Variants in STXBP4 observed in about 807,000 individuals in gnomAD.
STXBP4 encodes the protein syntaxin binding protein 4.
STXBP4 carries 55 observed loss-of-function variants against 76.1 expected under a neutral mutation model. The ratio of observed to expected loss-of-function variants is 0.72; its 90% CI spans 0.58 to 0.91. STXBP4 has a LOEUF of 0.91. STXBP4 is among the 40% of genes least tolerant of loss of function. The pLI, the probability that STXBP4 is intolerant of heterozygous loss-of-function variation, is 0.00. For missense variants in STXBP4, 618 were observed against 636.9 expected, an observed-to-expected ratio of 0.97 and a Z score of 0.32; for synonymous variants, 201 against 220.2, an observed-to-expected ratio of 0.91 and a Z score of 0.77.
chr17:55,072,005 C>T (rs1375657641), intron 12 of STXBP4, among the ~76,000 whole-genome samples: 2 of 152,158 alleles, frequency 1.3e-5, no homozygotes, highest in Non-Finnish European at 2.9e-5. Context: ...ACATTTTTTT[C>T]CCTCCAAGTA....
At chr17:55,189,264 G>A in the STXBP4 span, among the ~76,000 whole-genome samples, 1 of 152,224 alleles carries the variant, frequency 6.6e-6, no homozygotes, top group Non-Finnish European at 1.5e-5. Context: ...TTTTAGTAAT[G>A]GTTATCAAAG....
intron 16 of STXBP4, among the ~76,000 whole-genome samples, chr17:55,093,317 G>C (rs1270337939): frequency 6.6e-6 from 1 of 152,040 alleles, no homozygotes; most frequent in Non-Finnish European, 1.5e-5. Flanking sequence ...ATGAAAGTCA[G>C]CTATACTATT....
At chr17:55,152,855 A>G (rs1759468779) in intron 17 of STXBP4, among the ~76,000 whole-genome samples, 2 of 152,138 alleles carry the variant, frequency 1.3e-5, no homozygotes, top group African/African-American at 4.8e-5. Flanking sequence ...AGCTTTAGAC[A>G]TATCATTTAT....
chr17:55,203,854 A>G, the STXBP4 span, among the ~76,000 whole-genome samples: 1 of 151,482 alleles, frequency 6.6e-6, no homozygotes, highest in Non-Finnish European at 1.5e-5. Context: ...TTTTTTTCTT[A>G]CTTCATTTCA....
At chr17:55,062,775 T>C (rs2079009563) in intron 12 of STXBP4, among the ~76,000 whole-genome samples, 1 of 152,354 alleles carries the variant, frequency 6.6e-6, no homozygotes, top group African/African-American at 2.4e-5. Context: ...TTCCTGACTT[T>C]TTAATGATCG....
intron 1 of STXBP4, among the ~76,000 whole-genome samples, chr17:54,983,532 G>A (rs1034837980): frequency 6.6e-6 from 1 of 152,136 alleles, no homozygotes; most frequent in Non-Finnish European, 1.5e-5. Flanking sequence ...TTAATAGGAG[G>A]AGATGCTAAG....
chr17:55,153,962 G>C (rs962513859), intron 17 of STXBP4, among the ~76,000 whole-genome samples: 5 of 152,128 alleles, frequency 3.3e-5, no homozygotes, highest in African/African-American at 1.2e-4. Context: ...GAAAGTAGTA[G>C]TCATGGCTTC....
chr17:55,198,763 C>A, the STXBP4 span, among the ~76,000 whole-genome samples: 1 of 152,218 alleles, frequency 6.6e-6, no homozygotes, highest in Non-Finnish European at 1.5e-5. Context: ...TGGTTCACTT[C>A]CAAAGACATT....
intron 16 of STXBP4, among the ~76,000 whole-genome samples, chr17:55,092,331 A>C (rs536361037): frequency 6.6e-6 from 1 of 152,046 alleles, no homozygotes; most frequent in African/African-American, 2.4e-5. Flanking sequence ...AATAAATGAA[A>C]TGAAATACAT....
Position 55,159,940 on chromosome 17 carries a change from G to C in STXBP4, c.*29G>C. The C allele has an allele frequency of 7.0e-7, 1 of 1,419,574 alleles. No homozygotes were observed. The highest frequency in any genetic ancestry group is 1.0e-6 in the Non-Finnish European group (1 of 1,003,514). 87.9% of individuals were successfully genotyped at this position (1,419,574 alleles called of 1,614,324 possible). Reference sequence around the variant, plus strand: ...TTTTCCTTAGGAAGTGGAGCTACATGGATGATGTGAGCAGAGACGCATAAC... The same window carrying C: ...TTTTCCTTAGGAAGTGGAGCTACATCGATGATGTGAGCAGAGACGCATAAC... On this transcript the variant is annotated 3_prime_UTR_variant, in exon 18 of 18. Transcript: ENST00000376352.
the STXBP4 span, among the ~76,000 whole-genome samples, chr17:55,212,534 T>C: frequency 4.8e-4 from 73 of 152,356 alleles, no homozygotes; most frequent in African/African-American, 1.7e-3. Flanking sequence ...TCTGGAAATA[T>C]GGAATGTCTC....
intron 1 of STXBP4, among the ~76,000 whole-genome samples, chr17:54,969,135 GC>G (rs2077342891): frequency 6.6e-6 from 1 of 152,162 alleles, no homozygotes; most frequent in African/African-American, 2.4e-5. Context: ...CACGACACCT[GC>G]ATTTTCTCAG....
intron 12 of STXBP4, among the ~76,000 whole-genome samples, chr17:55,054,328 A>T: frequency 6.6e-6 from 1 of 152,104 alleles, no homozygotes; most frequent in Non-Finnish European, 1.5e-5. Context: ...CTCTACTAAA[A>T]ATACAAAAAA....
chr17:55,175,402 G>T (rs1311635350), downstream of STXBP4, among the ~76,000 whole-genome samples: 1 of 152,184 alleles, frequency 6.6e-6, no homozygotes, highest in Non-Finnish European at 1.5e-5. Context: ...CAGCAATCTG[G>T]AGCTGTCTTG....
At position 55,122,879 on chromosome 17, in the gene STXBP4, T is replaced by C. The variant is rs564783022; in HGVS notation, c.1490-18431T>C. On this transcript the variant is annotated intron_variant, in intron 16 of 17. Coordinates refer to ENST00000376352, the MANE Select transcript of STXBP4 (RefSeq NM_178509.6). ...AAAGTTTTGAGTTACAAGTATTTTA[T>C]CCAGTCATTAAAATATATCCTTAAA... 3.9e-5 allele frequency among the ~76,000 whole-genome samples: 6 copies of C among 152,326 alleles called. No homozygotes were observed. In the South Asian group the frequency reaches 1.2e-3, roughly 32 times the overall value.
rs897233667 is a variant in STXBP4, at chr17:54,968,783, T to G, written c.-189T>G. On this transcript the variant is annotated 5_prime_UTR_variant, in exon 1 of 18. Coordinates refer to ENST00000376352, the MANE Select transcript of STXBP4 (RefSeq NM_178509.6). ...GCTCCTCAGGTGGCAGCGCTTGCAG[T>G]CGGGCTACGGAGGCCGGGTTGCCAG... The G allele has an allele frequency of 5.8e-6, 6 of 1,028,466 alleles. No individual in the cohort carries two copies. Among genetic ancestry groups the G allele is most frequent in the Non-Finnish European group, 8.5e-6 (6 of 707,650 alleles). 63.7% of individuals were successfully genotyped at this position (1,028,466 alleles called of 1,614,324 possible). A position where few individuals can be genotyped will look rare whatever the true frequency, so the allele number is the denominator to read the frequency against.
the STXBP4 span, among the ~76,000 whole-genome samples, chr17:55,194,142 A>G: frequency 6.6e-6 from 1 of 152,140 alleles, no homozygotes; most frequent in African/African-American, 2.4e-5. Context: ...GATAATCCTC[A>G]TTCTAGAGGT....
At position 54,994,068 on chromosome 17, in the gene STXBP4, A is replaced by G. The variant is rs540118215; in HGVS notation, c.180+3111A>G. Among the ~76,000 whole-genome samples the G allele has an allele frequency of 1.1e-4, 16 of 152,324 alleles. No homozygotes were observed. The East Asian group carries it at 3.1e-3, about 29-fold the overall frequency. On this transcript the variant is annotated intron_variant, in intron 4 of 17. Transcript: ENST00000376352. ...ATCCAGAGTTCAAATATGGGATATT[A>G]TGAATACATCTTTTCAGTTCAAGCA... is the stretch of plus-strand genomic sequence containing the variant.
chr17:55,094,129 T>G, intron 16 of STXBP4, among the ~76,000 whole-genome samples: 1 of 139,688 alleles, frequency 7.2e-6, no homozygotes, highest in African/African-American at 2.7e-5. Flanking sequence ...ACAAATGCTG[T>G]GAGATAGGAA....
Sources: allele counts gnomAD v4.1 joint callset (sites outside exome capture counted in the v4.1 genomes callset), GRCh38; gene constraint gnomAD v4.1.1; transcripts MANE v1.5; gene names NCBI Gene and HGNC (gene_info 2026-07-23, HGNC 2026-07-21).